VDAC1: variants seen among roughly 807,000 people sequenced by gnomAD.
VDAC1 encodes the protein voltage dependent anion channel 1.
Under a neutral mutation model 34.7 loss-of-function variants are expected in VDAC1, and 10 were observed. That is an observed-to-expected ratio of 0.29 (90% confidence interval 0.18 to 0.49). VDAC1 has a LOEUF of 0.49. Ranked by LOEUF, VDAC1 falls within the 20% of genes least tolerant of loss-of-function variation. VDAC1 has a pLI of 0.99. For synonymous variants in VDAC1, 130 were observed against 136.0 expected (o/e 0.96, Z 0.30); for missense variants, 230 against 347.9 (o/e 0.66, Z 2.69).
the VDAC1 span, among the ~76,000 whole-genome samples, chr5:134,077,629 C>T: frequency 6.4e-4 from 98 of 152,300 alleles, no homozygotes; most frequent in African/African-American, 2.0e-3. Flanking sequence ...AATGCATACT[C>T]GCTCATTTAA....
chr5:134,113,883 G>A, the VDAC1 span, among the ~76,000 whole-genome samples: 1 of 152,178 alleles, frequency 6.6e-6, no homozygotes, highest in African/African-American at 2.4e-5. Flanking sequence ...GTGGACGAGC[G>A]ACCCATGTCG....
the VDAC1 span, among the ~76,000 whole-genome samples, chr5:134,075,810 C>T: frequency 6.6e-6 from 1 of 152,126 alleles, no homozygotes; most frequent in Non-Finnish European, 1.5e-5. Context: ...TGGTCTCGAT[C>T]TCCTGACCTG....
the VDAC1 span, among the ~76,000 whole-genome samples, chr5:134,020,645 G>A: frequency 6.8e-6 from 1 of 146,074 alleles, no homozygotes; most frequent in Non-Finnish European, 1.5e-5. Flanking sequence ...TATGGAACAG[G>A]CTTCTTTTTT....
Position 133,975,886 on chromosome 5 carries a change from A to G in VDAC1, c.687T>C (p.Pro229=). The change falls in exon 7 of 9, where the codon CCT becomes CCC. Residue 229 remains proline, a synonymous_variant. Transcript: ENST00000265333. ...FGIAAKYQID[P]DACFSAKVNN... The stretch of plus-strand genomic sequence containing the variant: ...AGATACCCACCGAGAAGCAGGCGTC[A>G]GGGTCAATCTGATACTTGGCTGCTA... 6.2e-7 allele frequency: 1 copy of G among 1,610,700 alleles called. No individual in the cohort carries two copies. Among genetic ancestry groups the G allele is most frequent in the Non-Finnish European group, 8.5e-7 (1 of 1,179,258 alleles).
the VDAC1 span, among the ~76,000 whole-genome samples, chr5:134,108,204 A>C: frequency 6.6e-6 from 1 of 151,984 alleles, no homozygotes; most frequent in African/African-American, 2.4e-5. Context: ...CCCAGCTAAC[A>C]AACGAACTGG....
chr5:133,976,200 C>T (rs970704030), intron 6 of VDAC1, 179 bp from the exon 7 acceptor site: 7 of 702,754 alleles, frequency 1.0e-5, no homozygotes, highest in African/African-American at 1.8e-5. Flanking sequence ...TACAGGAAGT[C>T]TGATAAGTAT....
At chr5:133,983,448 T>C (rs998667473) in intron 5 of VDAC1, among the ~76,000 whole-genome samples, 1 of 152,080 alleles carries the variant, frequency 6.6e-6, no homozygotes, top group Non-Finnish European at 1.5e-5. Context: ...AAATAAAACA[T>C]GATTGGCCAC....
At chr5:134,063,448 A>G in the VDAC1 span, among the ~76,000 whole-genome samples, 1 of 152,138 alleles carries the variant, frequency 6.6e-6, no homozygotes, top group Non-Finnish European at 1.5e-5. Context: ...ACATTGATTC[A>G]GTGATTTGCT....
chr5:134,093,306 A>T, the VDAC1 span, among the ~76,000 whole-genome samples: 1 of 152,082 alleles, frequency 6.6e-6, no homozygotes, highest in African/African-American at 2.4e-5. Flanking sequence ...TGGGAGTGTG[A>T]GGTATGGTGA....
At chr5:134,051,019 T>A in the VDAC1 span, among the ~76,000 whole-genome samples, 1 of 152,202 alleles carries the variant, frequency 6.6e-6, no homozygotes, top group Non-Finnish European at 1.5e-5. Flanking sequence ...TATACAGTTG[T>A]ATGTGTTGTG....
At chr5:134,100,500 T>C in the VDAC1 span, among the ~76,000 whole-genome samples, 1 of 152,170 alleles carries the variant, frequency 6.6e-6, no homozygotes, top group Non-Finnish European at 1.5e-5. Flanking sequence ...GATCTAGATC[T>C]GGGCTCCCTG....
intron 1 of VDAC1, among the ~76,000 whole-genome samples, chr5:134,002,592 C>T (rs1753600492): frequency 6.6e-6 from 1 of 152,210 alleles, no homozygotes; most frequent in Non-Finnish European, 1.5e-5. Flanking sequence ...ACTATACATA[C>T]TGTTACAGTT....
chr5:134,009,691 T>A (rs952829830), upstream of VDAC1, among the ~76,000 whole-genome samples: 13 of 152,224 alleles, frequency 8.5e-5, no homozygotes, highest in African/African-American at 2.9e-4. Flanking sequence ...TTGTTTTGTT[T>A]TGTTTTTTGA....
the VDAC1 span, among the ~76,000 whole-genome samples, chr5:134,055,754 T>TC: frequency 6.7e-6 from 1 of 150,374 alleles, no homozygotes; most frequent in East Asian, 2.0e-4. Flanking sequence ...ATTGTCTTTT[T>TC]TTCTTTAAAA....
the VDAC1 span, among the ~76,000 whole-genome samples, chr5:134,113,942 A>C: frequency 1.3e-5 from 2 of 152,164 alleles, no homozygotes; most frequent in Non-Finnish European, 2.9e-5. Flanking sequence ...TCCGGGCTGC[A>C]GGTTCTAGTC....
chr5:134,018,730 G>A, the VDAC1 span, among the ~76,000 whole-genome samples: 2 of 152,182 alleles, frequency 1.3e-5, no homozygotes, highest in Non-Finnish European at 2.9e-5. Flanking sequence ...ATTTAGGGTG[G>A]GGTTGGCCAC....
At chr5:134,103,776 C>T in the VDAC1 span, among the ~76,000 whole-genome samples, 1 of 152,250 alleles carries the variant, frequency 6.6e-6, no homozygotes, top group Admixed American at 6.5e-5. Context: ...GTAGTTCAGG[C>T]ACAGGCCAGA....
the VDAC1 span, among the ~76,000 whole-genome samples, chr5:134,021,197 T>TTC: frequency 1.3e-5 from 2 of 149,796 alleles, no homozygotes; most frequent in African/African-American, 4.9e-5. Context: ...TTTTTTTTTT[T>TTC]ATTATTATAC....
At chr5:134,028,959 C>T in the VDAC1 span, among the ~76,000 whole-genome samples, 15 of 152,314 alleles carry the variant, frequency 9.8e-5, no homozygotes, top group African/African-American at 3.6e-4. Context: ...AGATGGCGGC[C>T]ATGTCATAAG....
Sources: gnomAD v4.1 joint callset for allele counts (sites outside exome capture counted in the v4.1 genomes callset) on GRCh38, gnomAD v4.1.1 for gene constraint, MANE v1.5 for transcripts, NCBI Gene and HGNC (gene_info 2026-07-23, HGNC 2026-07-21) for gene names.